PXK: variants seen among roughly 807,000 people sequenced by gnomAD.
The protein encoded by PXK is PX domain containing serine/threonine kinase like, also known as PX domain-containing protein kinase-like protein.
PXK carries 35 observed loss-of-function variants against 84.7 expected under a neutral mutation model. That is an observed-to-expected ratio of 0.41 (90% CI 0.32 to 0.55). The LOEUF (loss-of-function observed/expected upper bound fraction) is 0.55, where lower values mean the gene tolerates loss of function less well. PXK is among the 20% of genes least tolerant of loss of function. The pLI is 0.21. For synonymous variants in PXK, 253 were observed against 260.8 expected, an observed-to-expected ratio of 0.97 and a Z score of 0.29; for missense variants, 634 against 699.7, an observed-to-expected ratio of 0.91 and a Z score of 1.06.
At chr3:58,334,389 T>TATAG (rs1445515127) in intron 1 of PXK, among the ~76,000 whole-genome samples, 2 of 152,240 alleles carry the variant, frequency 1.3e-5, no homozygotes, top group African/African-American at 4.8e-5. Context: ...AAACTTGCTA[T>TATAG]CATTTGTGCC....
At chr3:58,348,940 T>C (rs1242353581) in intron 1 of PXK, among the ~76,000 whole-genome samples, 1 of 151,824 alleles carries the variant, frequency 6.6e-6, no homozygotes, top group Non-Finnish European at 1.5e-5. Context: ...ATGTTTTGCA[T>C]TCCTCTTGTC....
chr3:58,396,292 A>G (rs1445912112), intron 9 of PXK, among the ~76,000 whole-genome samples: 1 of 152,202 alleles, frequency 6.6e-6, no homozygotes, highest in Non-Finnish European at 1.5e-5. Context: ...TATATATTAT[A>G]TTTGTTTGGA....
intron 1 of PXK, among the ~76,000 whole-genome samples, chr3:58,341,854 C>T (rs967545130): frequency 3.4e-4 from 52 of 152,034 alleles, no homozygotes; most frequent in Admixed American, 1.7e-3. Flanking sequence ...CAGGCACCCG[C>T]TACCACGCCT....
rs1247676338 is a variant in PXK, at chr3:58,333,533, A to C, written c.102+443A>C. 3 of 456,648 alleles carry C rather than the reference A, an allele frequency of 6.6e-6. No individual in the cohort carries two copies. Among genetic ancestry groups the C allele is most frequent in the South Asian group, 4.6e-5 (3 of 64,568 alleles). 28.3% of individuals were successfully genotyped at this position (456,648 alleles called of 1,614,324 possible). ...GCTGAGGGTCTGGGTGATGGGGATG[A>C]GGGTGTGCCGGGCCAAATGAAGTGT... On this transcript the variant is annotated intron_variant, in intron 1 of 17. Transcript: ENST00000356151. The surrounding 1 kb of genome is among the most constrained non-coding windows in gnomAD (Gnocchi z 5.4).
rs1217085532 is a variant in PXK, at chr3:58,378,506, T to TGTGTGTG, written c.202-4008_202-4007insGTGTGTG. ...TCATTTTTCTTCTTTTTTTTTTTTTTTTTTTTTGTGTGTGTGTGTGTGTGT... is the reference window on the plus strand; with the variant it reads ...TCATTTTTCTTCTTTTTTTTTTTTTTGTGTGTGTTTTTTTGTGTGTGTGTGTGTGTGT... On this transcript the variant is annotated intron_variant, in intron 3 of 17. Coordinates refer to ENST00000356151, the MANE Select transcript of PXK (RefSeq NM_017771.5). 1.6e-3 allele frequency among the ~76,000 whole-genome samples: 109 copies of TGTGTGTG among 66,424 alleles called. 1 individual carries two copies. The highest frequency in any genetic ancestry group is 5.8e-3 in the African/African-American group (105 of 18,078). 43.6% of individuals were successfully genotyped at this position (66,424 alleles called of 152,430 possible).
At chr3:58,348,880 C>G (rs1294476417) in intron 1 of PXK, among the ~76,000 whole-genome samples, 5 of 152,054 alleles carry the variant, frequency 3.3e-5, no homozygotes, top group Non-Finnish European at 7.4e-5. Flanking sequence ...CCACTGCACT[C>G]CAGCCTAGGT....
rs2098621515 is a variant in PXK, at chr3:58,390,753, A to G, written c.466+94A>G. 2 of 1,204,902 alleles carry G rather than the reference A, an allele frequency of 1.7e-6. No homozygotes were observed. The highest frequency in any genetic ancestry group is 2.3e-6 in the Non-Finnish European group (2 of 851,856). 74.6% of individuals were successfully genotyped at this position (1,204,902 alleles called of 1,614,324 possible). A position where few individuals can be genotyped will look rare whatever the true frequency, so the allele number is the denominator to read the frequency against. ...TGATACGTATCCCAGGAACATGCTT[A>G]AATGCAGGTGACTTCTTTTTCTTTT... On this transcript the variant is annotated intron_variant, in intron 5 of 17. Transcript: ENST00000356151. This position sits in a 1 kb window ranked among gnomAD's most constrained non-coding sequence, Gnocchi z 4.2.
At chr3:58,396,665 TAAG>T (rs368452035) in intron 9 of PXK, among the ~76,000 whole-genome samples, 139 of 152,378 alleles carry the variant, frequency 9.1e-4, no homozygotes, top group African/African-American at 3.2e-3. Flanking sequence ...GAAGCACTGA[TAAG>T]ATAGCTTCAC....
intron 1 of PXK, among the ~76,000 whole-genome samples, chr3:58,340,547 A>G (rs2097711657): frequency 6.6e-6 from 1 of 151,752 alleles, no homozygotes; most frequent in Non-Finnish European, 1.5e-5. Flanking sequence ...ACCAACATGG[A>G]GAAACCCCAT....
At chr3:58,386,216 T>C (rs753124280) in intron 4 of PXK, among the ~76,000 whole-genome samples, 2 of 151,180 alleles carry the variant, frequency 1.3e-5, no homozygotes, top group African/African-American at 4.9e-5. Context: ...CCAGCTGTTG[T>C]GCAGGGAAAA....
rs147819167 is a variant in PXK at position 58,346,467 on chromosome 3, A to G, written c.102+13377A>G. 3.0e-4 allele frequency among the ~76,000 whole-genome samples: 46 copies of G among 152,186 alleles called. 1 individual carries two copies. In the Middle Eastern group the frequency reaches 0.024, roughly 79 times the overall value. On this transcript the variant is annotated intron_variant, in intron 1 of 17. Coordinates refer to ENST00000356151, the MANE Select transcript of PXK (RefSeq NM_017771.5). Reference sequence around the variant, plus strand: ...AGGGAAACAGAGGCATCAGGAAATTATTAGAGAAGTAGTACAAGGTAGATG... The same window carrying G: ...AGGGAAACAGAGGCATCAGGAAATTGTTAGAGAAGTAGTACAAGGTAGATG...
At chr3:58,410,495 A>G (rs995849237) in intron 16 of PXK, among the ~76,000 whole-genome samples, 1 of 152,230 alleles carries the variant, frequency 6.6e-6, no homozygotes, top group African/African-American at 2.4e-5. Flanking sequence ...TAGAGCCTGC[A>G]TGAACAGAAA....
chr3:58,359,178 A>T (rs1371916584), intron 1 of PXK, among the ~76,000 whole-genome samples: 3 of 152,186 alleles, frequency 2.0e-5, no homozygotes, highest in African/African-American at 4.8e-5. Flanking sequence ...GAGACCAGCA[A>T]ATGCTTACTT....
chr3:58,415,608 A>G (rs990929875), intron 17 of PXK, among the ~76,000 whole-genome samples: 13 of 152,234 alleles, frequency 8.5e-5, no homozygotes, highest in African/African-American at 2.2e-4. Context: ...TTGGATAGGC[A>G]TGATTGACAA....
intron 7 of PXK, among the ~76,000 whole-genome samples, chr3:58,392,660 A>C (rs565284524): frequency 9.7e-6 from 1 of 102,894 alleles, no homozygotes; most frequent in Non-Finnish European, 2.1e-5. Flanking sequence ...CTAGTTCTAA[A>C]TTTCTTTTTT....
intron 4 of PXK, among the ~76,000 whole-genome samples, chr3:58,386,786 C>T (rs1413925890): frequency 6.6e-6 from 1 of 152,168 alleles, no homozygotes; most frequent in Non-Finnish European, 1.5e-5. Context: ...CATTTCCTCT[C>T]AGTGGGCCCA....
At chr3:58,410,259 G>A in intron 16 of PXK, 100 bp downstream of exon 16, 1 of 824,280 alleles carries the variant, frequency 1.2e-6, no homozygotes, top group Middle Eastern at 2.3e-4. Flanking sequence ...CCAGAAACTG[G>A]GCAATGTAGT....
At chr3:58,422,007 G>A (rs1051901392) in intron 17 of PXK, 14 of 985,234 alleles carry the variant, frequency 1.4e-5, no homozygotes, top group Admixed American at 6.1e-5. Context: ...TGGAGAGCGC[G>A]CAGGCAGCAG....
intron 3 of PXK, among the ~76,000 whole-genome samples, chr3:58,371,256 T>C (rs563167811): frequency 2.6e-4 from 39 of 152,324 alleles, no homozygotes; most frequent in Non-Finnish European, 5.1e-4. Flanking sequence ...GTGGGTTTAA[T>C]TGGTTTTATT....
Sources: allele counts gnomAD v4.1 joint callset (sites outside exome capture counted in the v4.1 genomes callset), GRCh38; gene constraint gnomAD v4.1.1; non-coding constraint Gnocchi (gnomAD v3.1); transcripts MANE v1.5; gene names NCBI Gene and HGNC (gene_info 2026-07-23, HGNC 2026-07-21).